LRMDA: variants seen among roughly 807,000 people sequenced by gnomAD.
LRMDA encodes the protein leucine-rich melanocyte differentiation-associated protein.
In LRMDA, 18 loss-of-function variants were observed where a neutral mutation model predicts 29.8. That is an observed-to-expected ratio of 0.60 (90% CI 0.42 to 0.90). The LOEUF is 0.90. Ranked by LOEUF, LRMDA falls within the 40% of genes least tolerant of loss-of-function variation. The pLI is 0.00. For missense variants in LRMDA, 273 were observed against 273.9 expected (o/e 1.00, Z 0.02); for synonymous variants, 125 against 109.4 (o/e 1.14, Z -0.89).
intron 6 of LRMDA, among the ~76,000 whole-genome samples, chr10:76,488,009 G>A (rs1358385466): frequency 6.6e-6 from 1 of 151,750 alleles, no homozygotes; most frequent in Non-Finnish European, 1.5e-5. Flanking sequence ...TGTTCAAATT[G>A]CATGATTTAG....
At chr10:75,643,506 G>T (rs1171124605) in intron 2 of LRMDA, among the ~76,000 whole-genome samples, 1 of 152,196 alleles carries the variant, frequency 6.6e-6, no homozygotes, top group Non-Finnish European at 1.5e-5. Flanking sequence ...GTTGGTGACA[G>T]TAATGCCAGC....
At chr10:76,457,790 GA>G (rs1402006033) in intron 6 of LRMDA, among the ~76,000 whole-genome samples, 4 of 150,998 alleles carry the variant, frequency 2.6e-5, no homozygotes, top group African/African-American at 9.7e-5. Flanking sequence ...AGGCTTTCAG[GA>G]ACCTAACTCT....
chr10:76,141,872 G>A (rs547274775), intron 5 of LRMDA, among the ~76,000 whole-genome samples: 1 of 152,148 alleles, frequency 6.6e-6, no homozygotes, highest in African/African-American at 2.4e-5. Flanking sequence ...GTTATTTTCT[G>A]TCTCGTTTTA....
At chr10:76,388,480 A>G (rs1013784700) in intron 6 of LRMDA, among the ~76,000 whole-genome samples, 1 of 152,202 alleles carries the variant, frequency 6.6e-6, no homozygotes, top group Non-Finnish European at 1.5e-5. Flanking sequence ...ACAGATGAGG[A>G]TTTCTAACTG....
At chr10:75,732,106 G>T (rs1842706249) in intron 2 of LRMDA, among the ~76,000 whole-genome samples, 2 of 152,230 alleles carry the variant, frequency 1.3e-5, no homozygotes, top group African/African-American at 4.8e-5. Flanking sequence ...GAATTTGTGA[G>T]TTTTTTTGTG....
At chr10:76,385,824 T>G (rs1438573936) in intron 6 of LRMDA, among the ~76,000 whole-genome samples, 2 of 152,230 alleles carry the variant, frequency 1.3e-5, no homozygotes, top group Non-Finnish European at 2.9e-5. Flanking sequence ...TCTTGTTTTC[T>G]TAAGTTGACT....
At chr10:75,624,428 G>T (rs1022691183) in intron 2 of LRMDA, among the ~76,000 whole-genome samples, 3 of 152,152 alleles carry the variant, frequency 2.0e-5, no homozygotes, top group African/African-American at 7.2e-5. Context: ...AGAAAAAGAG[G>T]TATCAGTCAG....
intron 2 of LRMDA, among the ~76,000 whole-genome samples, chr10:75,714,645 C>T (rs1043673217): frequency 4.6e-5 from 7 of 152,186 alleles, no homozygotes; most frequent in African/African-American, 1.7e-4. Flanking sequence ...CTCTGTCAGT[C>T]TCATGCTGTT....
chr10:76,527,572 C>A (rs181223573), intron 6 of LRMDA, among the ~76,000 whole-genome samples: 28 of 152,194 alleles, frequency 1.8e-4, no homozygotes, highest in Admixed American at 3.9e-4. Context: ...GATTTAACAT[C>A]TTTTTGCCTT....
intron 6 of LRMDA, among the ~76,000 whole-genome samples, chr10:76,517,460 AAAAT>A (rs1446987438): frequency 6.6e-6 from 1 of 152,170 alleles, no homozygotes; most frequent in Non-Finnish European, 1.5e-5. Context: ...TGCTGAGAGA[AAAAT>A]AAATATCAGC....
At chr10:75,667,015 T>G (rs1841830385) in intron 2 of LRMDA, among the ~76,000 whole-genome samples, 1 of 152,116 alleles carries the variant, frequency 6.6e-6, no homozygotes, top group Admixed American at 6.6e-5. Flanking sequence ...GGGTGGCGTG[T>G]ATGGGTGTGG....
intron 2 of LRMDA, among the ~76,000 whole-genome samples, chr10:75,973,603 A>T (rs1847019049): frequency 6.6e-6 from 1 of 152,116 alleles, no homozygotes; most frequent in Non-Finnish European, 1.5e-5. Context: ...TATTTTTAAT[A>T]GAAACAGGGT....
chr10:76,270,622 T>G (rs1169823621), intron 5 of LRMDA: 1 of 152,326 alleles, frequency 6.6e-6, no homozygotes, highest in Non-Finnish European at 1.5e-5. Flanking sequence ...CTTCTTTTCC[T>G]TCTGCTTTGA....
At chr10:75,762,757 T>C (rs925762608) in intron 2 of LRMDA, among the ~76,000 whole-genome samples, 1 of 152,228 alleles carries the variant, frequency 6.6e-6, no homozygotes, top group Non-Finnish European at 1.5e-5. Context: ...CCTGGCCTCA[T>C]AGTAAGCCCT....
At chr10:75,448,179 T>A (rs1844416555) in intron 2 of LRMDA, among the ~76,000 whole-genome samples, 1 of 152,246 alleles carries the variant, frequency 6.6e-6, no homozygotes, top group South Asian at 2.1e-4. Flanking sequence ...AGTGCTTTCA[T>A]AAACATTGTC....
chr10:75,695,303 C>G (rs1432915697), intron 2 of LRMDA, among the ~76,000 whole-genome samples: 1 of 152,038 alleles, frequency 6.6e-6, no homozygotes, highest in Non-Finnish European at 1.5e-5. Context: ...CCTCAGACAG[C>G]AAATTATCTA....
chr10:76,529,027 T>C (rs1843207117), intron 6 of LRMDA, among the ~76,000 whole-genome samples: 1 of 152,102 alleles, frequency 6.6e-6, no homozygotes, highest in Non-Finnish European at 1.5e-5. Flanking sequence ...AACTCTGCCA[T>C]TCAACAGCAG....
intron 5 of LRMDA, among the ~76,000 whole-genome samples, chr10:76,238,794 T>C (rs1019068744): frequency 9.3e-5 from 11 of 117,740 alleles, no homozygotes; most frequent in African/African-American, 3.6e-4. Flanking sequence ...CCAAAAGTTG[T>C]TTCTTTTTTT....
intron 2 of LRMDA, among the ~76,000 whole-genome samples, chr10:75,685,749 A>C: frequency 6.6e-6 from 1 of 152,244 alleles, no homozygotes; most frequent in East Asian, 1.9e-4. Context: ...AGAAGAAGTC[A>C]AGATAGCTTT....
Sources: allele counts gnomAD v4.1 joint callset (sites outside exome capture counted in the v4.1 genomes callset), GRCh38; gene constraint gnomAD v4.1.1; transcripts MANE v1.5; gene names NCBI Gene and HGNC (gene_info 2026-07-23, HGNC 2026-07-21).